Variants in CDX1 observed in about 807,000 individuals in gnomAD.
The protein encoded by CDX1 is caudal type homeobox 1.
In CDX1, 9 loss-of-function variants were observed where a neutral mutation model predicts 16.9. That is an observed-to-expected ratio of 0.53 (90% CI 0.32 to 0.93). CDX1 has a LOEUF of 0.93. Ranked by LOEUF, CDX1 falls within the 40% of genes least tolerant of loss-of-function variation. The pLI is 0.04. For missense variants in CDX1, 393 were observed against 386.1 expected, an observed-to-expected ratio of 1.02 and a Z score of -0.15; for synonymous variants, 179 against 179.0, an observed-to-expected ratio of 1.00 and a Z score of 0.00.
rs1284960889 is a variant in CDX1 at position 150,167,185 on chromosome 5, GC to G, written c.314del (p.Pro105LeufsTer94). ...PPPDFSPVPAPPGPGPGLLAQ... is the reference protein window; with the variant it reads ...PPPDFSPVPAXPGPGPGLLAQ... ...CTCCAGACTTTAGCCCGGTGCCGGC[GC>G]CCCCTGGGCCCGGCCCGGGCCTCCT... On this transcript the variant is annotated frameshift_variant, in exon 1 of 3. Coordinates refer to ENST00000231656, the MANE Select transcript of CDX1 (RefSeq NM_001804.3). LOFTEE classifies it high-confidence loss of function. The G allele has an allele frequency of 7.9e-7, 1 of 1,269,570 alleles. No homozygotes were observed. The allele number at this position is 1,269,570 out of a possible 1,614,324, so 78.6% of individuals were successfully genotyped here.
intron 1 of CDX1, 57 bp downstream of exon 1, chr5:150,167,378 C>T: frequency 8.5e-7 from 1 of 1,171,124 alleles, no homozygotes; most frequent in Non-Finnish European, 1.1e-6. Flanking sequence ...GGGCGCGGCC[C>T]AGGCCGCCCC....
chr5:150,183,707 G>C lies in CDX1; in HGVS notation c.*27G>C, dbSNP rs1182030598. The C allele has an allele frequency of 2.0e-6, 3 of 1,495,058 alleles. No individual in the cohort carries two copies. Among genetic ancestry groups the C allele is most frequent in the Non-Finnish European group, 2.7e-6 (3 of 1,115,738 alleles). 92.6% of individuals were successfully genotyped at this position (1,495,058 alleles called of 1,614,324 possible). On this transcript the variant is annotated 3_prime_UTR_variant, in exon 3 of 3. Coordinates refer to ENST00000231656, the MANE Select transcript of CDX1 (RefSeq NM_001804.3). ...CCCATGCCCAGCCTGTGCGCCGGGG[G>C]ACCTGGGGACTCGGGTGCTGGGAGT... is the stretch of plus-strand genomic sequence containing the variant.
rs543109427 is a variant in CDX1, at chr5:150,184,003, C to T, written c.*323C>T. On this transcript the variant is annotated 3_prime_UTR_variant, in exon 3 of 3. Transcript: ENST00000231656. ...TCCAGGCCCCACCTCCTCCTCCATA[C>T]GTTCAGAGGTGCAGCTGGAGGCTGC... 2.0e-5 allele frequency: 5 copies of T among 244,952 alleles called. No individual in the cohort carries two copies. Among genetic ancestry groups the T allele is most frequent in the South Asian group, 3.5e-4 (2 of 5,682 alleles). 15.2% of individuals were successfully genotyped at this position (244,952 alleles called of 1,614,324 possible). A position where few individuals can be genotyped will look rare whatever the true frequency, so the allele number is the denominator to read the frequency against.
rs771985014 is a variant in CDX1, at chr5:150,166,818, G to C, written c.-59G>C. ...TTCAGGTGAGCGGTTGCTCGTCGTC[G>C]GGGCGGCCGGCAGCGGCGGCTCCAG... On this transcript the variant is annotated 5_prime_UTR_variant, in exon 1 of 3. Coordinates refer to ENST00000231656, the MANE Select transcript of CDX1 (RefSeq NM_001804.3). The C allele has an allele frequency of 8.8e-6, 11 of 1,251,604 alleles. No homozygotes were observed. Among genetic ancestry groups the C allele is most frequent in the East Asian group, 6.3e-5 (2 of 31,528 alleles). The allele number at this position is 1,251,604 out of a possible 1,614,324, so 77.5% of individuals were successfully genotyped here. A position where few individuals can be genotyped will look rare whatever the true frequency, so the allele number is the denominator to read the frequency against.
Position 150,170,635 on chromosome 5 carries a change from T to C in CDX1, c.445+3314T>C, listed in dbSNP as rs145644764. Among the ~76,000 whole-genome samples the C allele has an allele frequency of 7.4e-3, 1,133 of 152,206 alleles. 13 individuals are homozygous for C. The highest frequency in any genetic ancestry group is 0.026 in the African/African-American group (1,065 of 41,522). On this transcript the variant is annotated intron_variant, in intron 1 of 2. Transcript: ENST00000231656. ...GTCAATGGAAACCTGGCTGCCTCTGTCTCTCCACTTGGATGGTACCCCAAC... is the reference window on the plus strand; with the variant it reads ...GTCAATGGAAACCTGGCTGCCTCTGCCTCTCCACTTGGATGGTACCCCAAC...
chr5:150,177,277 G>GT (rs759981493), intron 1 of CDX1, among the ~76,000 whole-genome samples: 2 of 152,260 alleles, frequency 1.3e-5, no homozygotes, highest in Non-Finnish European at 2.9e-5. Context: ...ACATTGGGAG[G>GT]TTCACGTTTC....
intron 1 of CDX1, among the ~76,000 whole-genome samples, chr5:150,170,300 C>A (rs1214616421): frequency 6.6e-6 from 1 of 152,216 alleles, no homozygotes; most frequent in East Asian, 1.9e-4. Context: ...CATCACGAAT[C>A]TTTGCTGTGT....
In CDX1 at chr5:150,167,088, A is replaced by T; in HGVS notation, c.212A>T (p.Asp71Val). 7.2e-7 allele frequency: 1 copy of T among 1,384,114 alleles called. No individual in the cohort carries two copies. Among genetic ancestry groups the T allele is most frequent in the Non-Finnish European group, 9.3e-7 (1 of 1,076,672 alleles). The allele number at this position is 1,384,114 out of a possible 1,614,324, so 85.7% of individuals were successfully genotyped here. A position where few individuals can be genotyped will look rare whatever the true frequency, so the allele number is the denominator to read the frequency against. Residue 71 changes from aspartate to valine, a missense_variant, in exon 1 of 3, where the codon GAC (aspartate) becomes GTC (valine). Physicochemically the swap from Asp to Val is radical, Grantham distance 152 (BLOSUM62 -3). Coordinates refer to ENST00000231656, the MANE Select transcript of CDX1 (RefSeq NM_001804.3). ...WGAPFPAPKD[D>V]WAAAYGPGPA... ...GCGCCCTTCCCTGCGCCCAAGGACG[A>T]CTGGGCCGCCGCCTACGGCCCGGGC... is the stretch of plus-strand genomic sequence containing the variant.
chr5:150,183,409 T>G (rs2113955691), intron 2 of CDX1, 65 bp from the exon 3 acceptor site: 1 of 1,418,214 alleles, frequency 7.1e-7, no homozygotes, highest in South Asian at 1.4e-5. Flanking sequence ...TCGTCTCTCC[T>G]TCTTGCACTC....
chr5:150,170,085 C>G (rs1324788977), intron 1 of CDX1, among the ~76,000 whole-genome samples: 2 of 152,234 alleles, frequency 1.3e-5, no homozygotes, highest in Non-Finnish European at 1.5e-5. Flanking sequence ...CTTCCAAGCT[C>G]TAGCCATTCC....
intron 2 of CDX1, 51 bp from the exon 3 acceptor site, chr5:150,183,423 C>A: frequency 6.7e-7 from 1 of 1,489,118 alleles, no homozygotes. Context: ...TGCACTCTCT[C>A]TTTCACTCTC....
chr5:150,183,003 A>G, intron 2 of CDX1, 90 bp downstream of exon 2: 5 of 1,426,744 alleles, frequency 3.5e-6, no homozygotes, highest in Non-Finnish European at 4.7e-6. Context: ...CAGTAGAAGG[A>G]AAACAGAGAG....
chr5:150,180,207 T>C (rs528357002), intron 1 of CDX1, among the ~76,000 whole-genome samples: 2 of 152,344 alleles, frequency 1.3e-5, no homozygotes, highest in South Asian at 4.1e-4. Flanking sequence ...GCAGAACTGT[T>C]TTTGAGCCGG....
At chr5:150,178,459 C>G (rs1432267625) in intron 1 of CDX1, among the ~76,000 whole-genome samples, 3 of 152,146 alleles carry the variant, frequency 2.0e-5, no homozygotes, top group South Asian at 4.1e-4. Context: ...GGACTTCCCC[C>G]TTAGCTCCAG....
intron 1 of CDX1, among the ~76,000 whole-genome samples, chr5:150,174,329 A>G (rs1427925051): frequency 6.6e-6 from 1 of 152,266 alleles, no homozygotes; most frequent in African/African-American, 2.4e-5. Context: ...GGCCTCAGAG[A>G]AGACCTGAAG....
intron 2 of CDX1, 101 bp downstream of exon 2, chr5:150,183,014 G>T: frequency 3.7e-6 from 5 of 1,364,032 alleles, no homozygotes; most frequent in Non-Finnish European, 4.9e-6. Flanking sequence ...AAACAGAGAG[G>T]TTGAGTCTCC....
Position 150,167,125 on chromosome 5 carries a change from T to G in CDX1, c.249T>G (p.Pro83=). The G allele has an allele frequency of 1.5e-6, 2 of 1,332,372 alleles. No homozygotes were observed. Among genetic ancestry groups the G allele is most frequent in the Middle Eastern group, 2.8e-4 (1 of 3,610 alleles). 82.5% of individuals were successfully genotyped at this position (1,332,372 alleles called of 1,614,324 possible). A position where few individuals can be genotyped will look rare whatever the true frequency, so the allele number is the denominator to read the frequency against. Residue 83 remains proline, a synonymous_variant, in exon 1 of 3, where the codon CCT becomes CCG. Coordinates refer to ENST00000231656, the MANE Select transcript of CDX1 (RefSeq NM_001804.3). ...AAAYGPGPAA[P]AASPASLAFG... is the part of the protein sequence containing the mutation. ...CCTACGGCCCGGGCCCCGCGGCCCC[T>G]GCCGCCAGCCCAGCTTCGCTGGCAT...
intron 1 of CDX1, among the ~76,000 whole-genome samples, chr5:150,169,015 G>T (rs1044432498): frequency 2.0e-5 from 3 of 152,176 alleles, no homozygotes; most frequent in African/African-American, 4.8e-5. Context: ...TCAGGATCCT[G>T]CAGTTCCCAG....
chr5:150,182,465 A>G (rs1038675343), intron 1 of CDX1, among the ~76,000 whole-genome samples: 1 of 152,218 alleles, frequency 6.6e-6, no homozygotes, highest in South Asian at 2.1e-4. Flanking sequence ...CTGGGTCAGG[A>G]GACCTGGGCT....
Sources: allele counts gnomAD v4.1 joint callset (sites outside exome capture counted in the v4.1 genomes callset), GRCh38; gene constraint gnomAD v4.1.1; transcripts MANE v1.5; gene names NCBI Gene and HGNC (gene_info 2026-07-23, HGNC 2026-07-21).